The following TAPT1 variants were observed in gnomAD, a reference collection of about 807,000 sequenced individuals.
TAPT1 encodes transmembrane anterior posterior transformation protein 1 homolog.
In TAPT1, 28 loss-of-function variants were observed where a neutral mutation model predicts 65.6. The observed-to-expected ratio is 0.43, with a 90% CI of 0.32 to 0.59. TAPT1 has a LOEUF of 0.59. Among genes scored for constraint, TAPT1 ranks in the 20% least tolerant of loss-of-function variants. The pLI is 0.09. For missense variants in TAPT1, 563 were observed against 679.9 expected (o/e 0.83, Z 1.91); for synonymous variants, 278 against 245.2 (o/e 1.13, Z -1.25).
At chr4:16,209,758 A>G (rs1335022611) in intron 2 of TAPT1, among the ~76,000 whole-genome samples, 5 of 152,360 alleles carry the variant, frequency 3.3e-5, no homozygotes, top group South Asian at 4.1e-4. Context: ...TTAATAGTAT[A>G]TATATCTTGT....
chr4:16,188,874 T>C (rs924116198), intron 4 of TAPT1, among the ~76,000 whole-genome samples: 5 of 151,640 alleles, frequency 3.3e-5, no homozygotes, highest in Admixed American at 6.6e-5. Flanking sequence ...GAGCCGAGAT[T>C]GCGCCACTAC....
At chr4:16,207,403 G>A (rs4481232) in intron 2 of TAPT1, among the ~76,000 whole-genome samples, 60,603 of 152,030 alleles carry the variant, frequency 0.4, 12,301 homozygotes, top group Middle Eastern at 0.48. Context: ...TTTGAAGTCC[G>A]TTCGTTTGAA....
At chr4:16,226,566 G>GCCGCCGCCATCCGCGGC (rs1356854153), upstream of TAPT1, 1 of 755,288 alleles carries the variant, frequency 1.3e-6, no homozygotes. Flanking sequence ...CGCCGCCGCC[G>GCCGCCGCCATCCGCGGC]CCGCCGCCAT....
intron 3 of TAPT1, among the ~76,000 whole-genome samples, chr4:16,195,033 G>A (rs1003634633): frequency 1.3e-5 from 2 of 152,106 alleles, no homozygotes; most frequent in African/African-American, 4.8e-5. Context: ...TGCCCGATAA[G>A]GGTCTTGTTT....
chr4:16,215,649 G>C (rs1750897861), intron 1 of TAPT1, among the ~76,000 whole-genome samples: 1 of 152,194 alleles, frequency 6.6e-6, no homozygotes, highest in East Asian at 1.9e-4. Flanking sequence ...CTATCTACAT[G>C]TGTCGTACTT....
intron 10 of TAPT1, 51 bp from the exon 11 acceptor site, chr4:16,174,323 T>C: frequency 1.4e-6 from 2 of 1,474,892 alleles, no homozygotes; most frequent in Non-Finnish European, 1.9e-6. Flanking sequence ...TTAAACAGCA[T>C]TTTAAAAGTA....
At position 16,202,562 on chromosome 4, in the gene TAPT1, A is replaced by G; in HGVS notation, c.349T>C (p.Phe117Leu). The G allele has an allele frequency of 6.5e-7, 1 of 1,541,804 alleles. No homozygotes were observed. Among genetic ancestry groups the G allele is most frequent in the Non-Finnish European group, 8.7e-7 (1 of 1,142,950 alleles). ...TACAAAAACGCATCCAGGCACAGAA[A>G]GATTCCAAAAACCATCAGCTGAATT... ...ELEKLMVFGIFLCLDAFLYVF... is the reference protein window; with the variant it reads ...ELEKLMVFGILLCLDAFLYVF... Residue 117 changes from phenylalanine to leucine, a missense_variant, in exon 3 of 14, where the codon TTT (phenylalanine) becomes CTT (leucine). Transcript: ENST00000405303.
At chr4:16,223,192 C>A (rs1238301326) in intron 1 of TAPT1, among the ~76,000 whole-genome samples, 2 of 152,164 alleles carry the variant, frequency 1.3e-5, no homozygotes, top group African/African-American at 4.8e-5. Flanking sequence ...CCAACCAAGC[C>A]AAAAACACAG....
At chr4:16,177,819 GTTT>G (rs113909054) in intron 8 of TAPT1, among the ~76,000 whole-genome samples, 14 of 148,710 alleles carry the variant, frequency 9.4e-5, no homozygotes, top group Admixed American at 2.0e-4. Flanking sequence ...CACTTTGTTG[GTTT>G]TTTTTTTTAA....
At chr4:16,188,186 C>A in intron 5 of TAPT1, 34 bp downstream of exon 5, 1 of 1,564,664 alleles carries the variant, frequency 6.4e-7, no homozygotes, top group South Asian at 1.2e-5. Context: ...TATGCATTAA[C>A]TGTCGGAAAT....
At chr4:16,225,683 A>G (rs1040697713) in intron 1 of TAPT1, among the ~76,000 whole-genome samples, 3 of 152,180 alleles carry the variant, frequency 2.0e-5, no homozygotes, top group Admixed American at 6.5e-5. Context: ...TTTTTTTGGC[A>G]TAAGTTTCAG....
intron 2 of TAPT1, among the ~76,000 whole-genome samples, chr4:16,209,980 G>C (rs1308482323): frequency 6.6e-6 from 1 of 152,184 alleles, no homozygotes; most frequent in East Asian, 1.9e-4. Context: ...CCCTGCCCTT[G>C]ATTTCACCAA....
chr4:16,225,737 T>C (rs1307837497), intron 1 of TAPT1: 4 of 318,272 alleles, frequency 1.3e-5, no homozygotes, highest in African/African-American at 4.5e-5. Flanking sequence ...GTGTTAAATA[T>C]TTCTGTACTG....
chr4:16,192,623 T>C (rs1199970931), intron 3 of TAPT1, among the ~76,000 whole-genome samples: 4 of 152,204 alleles, frequency 2.6e-5, no homozygotes, highest in Non-Finnish European at 5.9e-5. Context: ...AATTTAAGAT[T>C]TCTTCCACTG....
chr4:16,188,734 C>A (rs1749172452), intron 4 of TAPT1, among the ~76,000 whole-genome samples: 1 of 151,962 alleles, frequency 6.6e-6, no homozygotes, highest in African/African-American at 2.4e-5. Context: ...TCCTGGCTAA[C>A]ACAGTGAAAC....
At chr4:16,221,981 T>C (rs1171190838) in intron 1 of TAPT1, among the ~76,000 whole-genome samples, 1 of 152,214 alleles carries the variant, frequency 6.6e-6, no homozygotes, top group Non-Finnish European at 1.5e-5. Flanking sequence ...AAAATGTTTA[T>C]AGTCTCATTT....
At chr4:16,166,536 G>C in intron 13 of TAPT1, 97 bp downstream of exon 13, 2 of 1,476,736 alleles carry the variant, frequency 1.4e-6, no homozygotes, top group Non-Finnish European at 1.9e-6. Flanking sequence ...TCTATGCAAA[G>C]GGAAACCAAT....
At chr4:16,212,937 G>A (rs1013142018) in intron 2 of TAPT1, among the ~76,000 whole-genome samples, 1 of 152,102 alleles carries the variant, frequency 6.6e-6, no homozygotes, top group African/African-American at 2.4e-5. Flanking sequence ...ACTCCTCATT[G>A]CCTGCAGTAC....
intron 1 of TAPT1, among the ~76,000 whole-genome samples, chr4:16,221,190 G>C (rs149666798): frequency 4.0e-5 from 6 of 151,860 alleles, no homozygotes; most frequent in Admixed American, 6.6e-5. Context: ...GCACGATCTC[G>C]TCTCACTGCA....
Sources: gnomAD v4.1 joint callset for allele counts (sites outside exome capture counted in the v4.1 genomes callset) on GRCh38, gnomAD v4.1.1 for gene constraint, MANE v1.5 for transcripts, NCBI Gene and HGNC (gene_info 2026-07-23, HGNC 2026-07-21) for gene names.